ALK: variants seen among roughly 807,000 people sequenced by gnomAD.
ALK encodes the protein ALK receptor tyrosine kinase, also known as ALK tyrosine kinase receptor.
ALK carries 74 observed loss-of-function variants against 163.1 expected under a neutral mutation model. The observed-to-expected ratio is 0.45, with a 90% CI of 0.38 to 0.55. The LOEUF is 0.55. ALK is among the 20% of genes least tolerant of loss of function. ALK has a pLI of 0.00. For missense variants in ALK, 2,063 were observed against 2,105.3 expected (o/e 0.98, Z 0.39); for synonymous variants, 960 against 843.2 (o/e 1.14, Z -2.40).
chr2:29,736,911 T>C (rs1485426840), intron 1 of ALK, among the ~76,000 whole-genome samples: 1 of 152,138 alleles, frequency 6.6e-6, no homozygotes, highest in Non-Finnish European at 1.5e-5. Flanking sequence ...TAATGTTGAC[T>C]ATCCCAGGGA....
chr2:29,554,622 T>C (rs72780232), intron 3 of ALK, among the ~76,000 whole-genome samples: 21,390 of 152,208 alleles, frequency 0.14, 1,821 homozygotes, highest in East Asian at 0.34. Flanking sequence ...GTTTCTTTTT[T>C]GGTGGCAATA....
At chr2:29,800,802 C>T (rs561358230) in intron 1 of ALK, among the ~76,000 whole-genome samples, 103 of 152,344 alleles carry the variant, frequency 6.8e-4, no homozygotes, top group African/African-American at 2.3e-3. Context: ...ATATTCCCAA[C>T]GCATGGGGCT....
rs140507157 is a variant in ALK at position 29,443,373 on chromosome 2, G to C, written c.1155-59514C>G. Among the ~76,000 whole-genome samples, 366 of 152,334 alleles carry C rather than the reference G, an allele frequency of 2.4e-3. 2 individuals are homozygous for C. The highest frequency in any genetic ancestry group is 8.4e-3 in the African/African-American group (350 of 41,588). ...AGAAAATTAGCTTAAAAGCAGCTTA[G>C]AGATGGGAGGCGGGCTGGATCTTTA... On this transcript the variant is annotated intron_variant, in intron 4 of 28. Transcript: ENST00000389048.
intron 3 of ALK, among the ~76,000 whole-genome samples, chr2:29,600,235 T>C (rs1675344538): frequency 6.6e-6 from 1 of 151,988 alleles, no homozygotes; most frequent in African/African-American, 2.4e-5. Context: ...CCAAAAATTC[T>C]CAAGCCTGTG....
intron 1 of ALK, among the ~76,000 whole-genome samples, chr2:29,742,665 T>A (rs1680094628): frequency 6.6e-6 from 1 of 152,178 alleles, no homozygotes; most frequent in Non-Finnish European, 1.5e-5. Flanking sequence ...AGGGAACCCC[T>A]GGCAGGAGAC....
chr2:29,323,194 G>C (rs917374098), intron 6 of ALK, among the ~76,000 whole-genome samples: 3 of 152,224 alleles, frequency 2.0e-5, no homozygotes, highest in Admixed American at 6.5e-5. Context: ...GTAGGGGAGA[G>C]AGTGTGGAAA....
At chr2:29,492,833 G>A (rs111596334) in intron 4 of ALK, among the ~76,000 whole-genome samples, 3,724 of 152,278 alleles carry the variant, frequency 0.024, 66 homozygotes, top group Middle Eastern at 0.071. Context: ...CAACTTCATA[G>A]TGGTAATATT....
intron 3 of ALK, among the ~76,000 whole-genome samples, chr2:29,584,062 A>G (rs1209964383): frequency 6.6e-6 from 1 of 152,148 alleles, no homozygotes; most frequent in African/African-American, 2.4e-5. Flanking sequence ...GCAAAAGCCA[A>G]ATGGGGTAGG....
intron 3 of ALK, among the ~76,000 whole-genome samples, chr2:29,647,590 G>C (rs1030562973): frequency 6.6e-6 from 1 of 152,004 alleles, no homozygotes; most frequent in Admixed American, 6.6e-5. Flanking sequence ...CCCACCTCAA[G>C]GCAGCCTGTG....
At chr2:29,727,081 G>A (rs939236740) in intron 1 of ALK, among the ~76,000 whole-genome samples, 10 of 152,184 alleles carry the variant, frequency 6.6e-5, no homozygotes, top group African/African-American at 1.2e-4. Flanking sequence ...GATCCCTTTG[G>A]GTCAACCAGG....
chr2:29,278,398 G>A (rs1236830207), intron 9 of ALK, among the ~76,000 whole-genome samples: 1 of 152,208 alleles, frequency 6.6e-6, no homozygotes, highest in African/African-American at 2.4e-5. Context: ...GAGGATAATT[G>A]TGATGGGAGT....
chr2:29,522,404 TATC>T (rs1048492830), intron 4 of ALK, among the ~76,000 whole-genome samples: 20 of 152,108 alleles, frequency 1.3e-4, no homozygotes, highest in African/African-American at 4.6e-4. Context: ...TCTTCCTCAT[TATC>T]ATACAAATTA....
intron 8 of ALK, among the ~76,000 whole-genome samples, chr2:29,313,061 A>G (rs1332251132): frequency 1.3e-5 from 2 of 152,194 alleles, no homozygotes; most frequent in African/African-American, 4.8e-5. Context: ...AGGGTTTTAC[A>G]AACACCACAA....
chr2:29,854,771 T>A (rs1666095180), intron 1 of ALK, among the ~76,000 whole-genome samples: 7 of 152,164 alleles, frequency 4.6e-5, no homozygotes, highest in Admixed American at 3.9e-4. Context: ...ATTGAATATA[T>A]TTTTTATTAA....
chr2:29,573,810 A>G (rs1305102312), intron 3 of ALK, among the ~76,000 whole-genome samples: 2 of 152,240 alleles, frequency 1.3e-5, no homozygotes, highest in African/African-American at 4.8e-5. Context: ...ACAGGAAGGA[A>G]ACAGACAGTA....
intron 2 of ALK, among the ~76,000 whole-genome samples, chr2:29,703,584 G>C (rs1324904273): frequency 9.2e-5 from 14 of 152,164 alleles, no homozygotes; most frequent in Admixed American, 9.2e-4. Context: ...AAAGCACATT[G>C]GCTGATTCCG....
intron 5 of ALK, among the ~76,000 whole-genome samples, chr2:29,354,767 CTT>C (rs763001304): frequency 7.9e-5 from 11 of 138,458 alleles, no homozygotes; most frequent in Admixed American, 1.5e-4. Flanking sequence ...TTTTCTTTTT[CTT>C]TTTTTTTTTT....
chr2:29,220,747 C>T lies in ALK; in HGVS notation c.3604G>A (p.Gly1202Arg), dbSNP rs1057519783. Residue 1202 changes from glycine (G) to arginine (R), a missense_variant, in exon 23 of 29, where the codon GGA becomes AGA. This residue lies in a region of ALK where 575 missense variants were observed against 626.6 expected (regional missense o/e 0.92). Transcript: ENST00000389048. Reference protein sequence around the residue: ...RFILLELMAGGDLKSFLRETR... With the variant: ...RFILLELMAGRDLKSFLRETR... ...TCTCGGAGGAAGGACTTGAGGTCTC[C>T]CCCCGCCATGAGCTCCAGCAGGATG... is the stretch of plus-strand genomic sequence containing the variant. 6.2e-7 allele frequency: 1 copy of T among 1,613,836 alleles called. No individual in the cohort carries two copies. Among genetic ancestry groups the T allele is most frequent in the Non-Finnish European group, 8.5e-7 (1 of 1,179,820 alleles).
intron 1 of ALK, among the ~76,000 whole-genome samples, chr2:29,735,588 C>T (rs180783425): frequency 4.6e-5 from 7 of 152,008 alleles, no homozygotes; most frequent in Non-Finnish European, 8.8e-5. Context: ...CGTGTCCCCA[C>T]CCAAATCTCA....
Sources: allele counts gnomAD v4.1 joint callset (sites outside exome capture counted in the v4.1 genomes callset), GRCh38; gene constraint gnomAD v4.1.1; regional missense constraint gnomAD v4.1.1; transcripts MANE v1.5; gene names NCBI Gene and HGNC (gene_info 2026-07-23, HGNC 2026-07-21).